SRGAP2B: variants seen among roughly 807,000 people sequenced by gnomAD.
SRGAP2B encodes SLIT-ROBO Rho GTPase-activating protein 2B.
Under a neutral mutation model 22.2 loss-of-function variants are expected in SRGAP2B, and 9 were observed. That is an observed-to-expected ratio of 0.41 (90% confidence interval 0.24 to 0.71). The LOEUF (loss-of-function observed/expected upper bound fraction) is 0.71. Ranked by LOEUF, SRGAP2B falls within the 30% of genes least tolerant of loss-of-function variation. SRGAP2B has a pLI of 0.35. For missense variants in SRGAP2B, 114 were observed against 235.8 expected (o/e 0.48, Z 3.38); for synonymous variants, 36 against 87.4 (o/e 0.41, Z 3.28).
intron 2 of SRGAP2B, among the ~76,000 whole-genome samples, chr1:145,017,165 AGC>A (rs1212328607): frequency 3.5e-5 from 5 of 143,696 alleles, no homozygotes; most frequent in Non-Finnish European, 4.5e-5. Context: ...CCTGACCTCA[AGC>A]GATCTGCCCA....
At chr1:145,019,777 G>T (rs1553623749) in intron 2 of SRGAP2B, among the ~76,000 whole-genome samples, 1 of 145,794 alleles carries the variant, frequency 6.9e-6, no homozygotes, top group Non-Finnish European at 1.5e-5. Flanking sequence ...CAGAATAAAA[G>T]CCAACAGCCT....
chr1:144,984,718 G>C (rs1405988298), intron 3 of SRGAP2B, among the ~76,000 whole-genome samples: 2 of 149,622 alleles, frequency 1.3e-5, no homozygotes, highest in African/African-American at 5.0e-5. Context: ...GCAGCAACTG[G>C]TTTCCTTGGT....
intron 4 of SRGAP2B, among the ~76,000 whole-genome samples, chr1:144,920,102 G>T (rs587708619): frequency 9.3e-5 from 14 of 150,858 alleles, no homozygotes; most frequent in Admixed American, 9.2e-4. Context: ...ACAGAGCGCT[G>T]ATTGGTGCGT....
At chr1:144,966,204 T>C (rs1412303893) in intron 3 of SRGAP2B, among the ~76,000 whole-genome samples, 1 of 148,032 alleles carries the variant, frequency 6.8e-6, no homozygotes, top group Non-Finnish European at 1.5e-5. Flanking sequence ...TTCACCAAAG[T>C]TGAAATGAAG....
intron 3 of SRGAP2B, among the ~76,000 whole-genome samples, chr1:144,964,586 G>A (rs1259878765): frequency 2.0e-5 from 3 of 150,870 alleles, no homozygotes; most frequent in African/African-American, 5.0e-5. Flanking sequence ...AGCGAGTTCA[G>A]GTCCTTAAGG....
chr1:145,009,167 A>T (rs1361648567), intron 2 of SRGAP2B, among the ~76,000 whole-genome samples: 1 of 132,664 alleles, frequency 7.5e-6, no homozygotes, highest in African/African-American at 3.1e-5. Context: ...ACAGAGCGAG[A>T]CTCCGTCTCA....
chr1:144,926,322 CTTTT>C (rs1664727744), intron 4 of SRGAP2B, among the ~76,000 whole-genome samples: 1 of 25,992 alleles, frequency 3.8e-5, no homozygotes, highest in Non-Finnish European at 7.7e-5. Flanking sequence ...TTCTTTCCTT[CTTTT>C]GAGTTACTTT....
At chr1:145,006,096 T>C (rs1200693912) in intron 2 of SRGAP2B, among the ~76,000 whole-genome samples, 1 of 150,816 alleles carries the variant, frequency 6.6e-6, no homozygotes, top group African/African-American at 2.5e-5. Flanking sequence ...CTTCTACCCC[T>C]GCGGCGTGAC....
At chr1:144,956,053 A>G (rs1647780909) in intron 3 of SRGAP2B, among the ~76,000 whole-genome samples, 1 of 149,276 alleles carries the variant, frequency 6.7e-6, no homozygotes, top group Non-Finnish European at 1.5e-5. Context: ...CTAGAACAAC[A>G]GTTCTGCATT....
intron 3 of SRGAP2B, among the ~76,000 whole-genome samples, chr1:144,991,946 A>G (rs1371063250): frequency 7.1e-6 from 1 of 141,266 alleles, no homozygotes; most frequent in South Asian, 2.3e-4. Context: ...CCCCTTCCAC[A>G]CGGTGGAAGG....
rs1424104733 is a variant in SRGAP2B, at chr1:144,909,202, G to A, written c.487-3128C>T. Among the ~76,000 whole-genome samples, 6 of 150,164 alleles carry A rather than the reference G, an allele frequency of 4.0e-5. 1 individual carries two copies. Among genetic ancestry groups the A allele is most frequent in the Non-Finnish European group, 8.8e-5 (6 of 67,898 alleles). ...CTAAACCAAAACCAGAGTGAGCCAG[G>A]AAGCAGCCAGATTTATATCACAGAA... On this transcript the variant is annotated intron_variant, in intron 5 of 9. Coordinates refer to ENST00000612199, the Ensembl canonical transcript of SRGAP2B.
chr1:144,971,381 T>A (rs1312413605), intron 3 of SRGAP2B, among the ~76,000 whole-genome samples: 2 of 150,260 alleles, frequency 1.3e-5, no homozygotes, highest in Non-Finnish European at 2.9e-5. Flanking sequence ...TCTGTCCACA[T>A]TGGCCTCCCA....
chr1:144,930,702 A>T (rs1665107677), intron 4 of SRGAP2B, among the ~76,000 whole-genome samples: 2 of 150,260 alleles, frequency 1.3e-5, no homozygotes, highest in South Asian at 4.2e-4. Flanking sequence ...AATTGAAAGA[A>T]GTAATCACTG....
At chr1:145,044,664 A>G (rs1649552892) in intron 2 of SRGAP2B, among the ~76,000 whole-genome samples, 1 of 67,164 alleles carries the variant, frequency 1.5e-5, no homozygotes, top group African/African-American at 6.8e-5. Flanking sequence ...AAAAAAAAAA[A>G]AAAAAAAAAA....
rs72366347 is a variant in SRGAP2B, at chr1:144,994,567, T to TGTGAGAGA, written c.260+440_260+441insTCTCTCAC. Among the ~76,000 whole-genome samples the TGTGAGAGA allele has an allele frequency of 1.4e-4, 17 of 122,490 alleles. 1 individual carries two copies. The highest frequency in any genetic ancestry group is 1.4e-3 in the South Asian group (5 of 3,614). 80.4% of individuals were successfully genotyped at this position (122,490 alleles called of 152,430 possible). On this transcript the variant is annotated intron_variant, in intron 3 of 9. Coordinates refer to ENST00000612199, the Ensembl canonical transcript of SRGAP2B. ...GTGAGTGTGAGTGTGTGTGTGTGTG[T>TGTGAGAGA]GAGAGAGAGAGAGAGAGAGAGAGAG...
rs1352453701 is a variant in SRGAP2B, at chr1:144,987,823, A to C, written c.260+7185T>G. ...CACTTGGTTATCTTTTGCAACACAA[A>C]AATGAGTGGAAATGGAAAAACAAAA... On this transcript the variant is annotated intron_variant, in intron 3 of 9. Transcript: ENST00000612199. Among the ~76,000 whole-genome samples, 3 of 151,036 alleles carry C rather than the reference A, an allele frequency of 2.0e-5. No homozygotes were observed. The East Asian group carries it at 5.8e-4, about 29-fold the overall frequency.
chr1:145,009,537 G>T (rs868932458), intron 2 of SRGAP2B, among the ~76,000 whole-genome samples: 1 of 145,652 alleles, frequency 6.9e-6, no homozygotes, highest in Non-Finnish European at 1.5e-5. Flanking sequence ...GCAGTGAGCC[G>T]AGATCCCGCC....
At chr1:145,013,865 G>C (rs1470712707) in intron 2 of SRGAP2B, among the ~76,000 whole-genome samples, 2 of 150,544 alleles carry the variant, frequency 1.3e-5, no homozygotes, top group Non-Finnish European at 2.9e-5. Flanking sequence ...GGGGTGATGA[G>C]CTAATAAACA....
intron 3 of SRGAP2B, among the ~76,000 whole-genome samples, chr1:144,957,946 T>C (rs11810578): frequency 0.018 from 2,756 of 149,118 alleles, 140 homozygotes; most frequent in African/African-American, 0.066. Flanking sequence ...TTGGGGGGGA[T>C]CTATACTGGT....
Sources: gnomAD v4.1 joint callset for allele counts (sites outside exome capture counted in the v4.1 genomes callset) on GRCh38, gnomAD v4.1.1 for gene constraint, MANE v1.5 for transcripts, NCBI Gene and HGNC (gene_info 2026-07-23, HGNC 2026-07-21) for gene names.